Variants in ERBB3 observed in about 807,000 individuals in gnomAD.
The protein encoded by ERBB3 is erb-b2 receptor tyrosine kinase 3.
A neutral mutation model predicts 156.7 loss-of-function variants in ERBB3; 96 were observed. The observed-to-expected ratio is 0.61, with a 90% CI of 0.52 to 0.73. The LOEUF (loss-of-function observed/expected upper bound fraction) is 0.73, where lower values mean the gene tolerates loss of function less well. Ranked by LOEUF, ERBB3 falls within the 30% of genes least tolerant of loss-of-function variation. The pLI is 0.00. For missense variants in ERBB3, 1,406 were observed against 1,709.4 expected (o/e 0.82, Z 3.13); for synonymous variants, 567 against 632.0 (o/e 0.90, Z 1.54).
At chr12:56,087,551 C>A (rs764145735) in intron 4 of ERBB3, 26 bp from the exon 5 acceptor site, 1 of 1,605,754 alleles carries the variant, frequency 6.2e-7, no homozygotes, top group Non-Finnish European at 8.5e-7. Context: ...CTGATGGCCC[C>A]TTGTGTTGCC....
Position 56,091,266 on chromosome 12 carries a change from T to TTATATATA in ERBB3, c.1110-1458_1110-1451dup, listed in dbSNP as rs199547778. ...TGCATGCCACCATGCTTGGCTAATT[T>TTATATATA]TATATATATATATATATATATATAT... On this transcript the variant is annotated intron_variant, in intron 9 of 27. Transcript: ENST00000267101. 4.3e-3 allele frequency among the ~76,000 whole-genome samples: 185 copies of TTATATATA among 43,398 alleles called. 2 individuals carry two copies. Among genetic ancestry groups the TTATATATA allele is most frequent in the African/African-American group, 0.013 (114 of 8,572 alleles). 28.5% of individuals were successfully genotyped at this position (43,398 alleles called of 152,430 possible). A position where few individuals can be genotyped will look rare whatever the true frequency, so the allele number is the denominator to read the frequency against.
At position 56,101,181 on chromosome 12, in the gene ERBB3, C is replaced by T. The variant is rs766463645; in HGVS notation, c.3322C>T (p.Leu1108Phe). 2 of 1,614,124 alleles carry T rather than the reference C, an allele frequency of 1.2e-6. No homozygotes were observed. The highest frequency in any genetic ancestry group is 3.3e-5 in the Admixed American group (2 of 60,020). The change falls in exon 27 of 28, where the codon CTC becomes TTC. Residue 1108 changes from leucine to phenylalanine, a missense_variant. Around this residue, in one of 3 missense-constraint regions of ERBB3, gnomAD observed 415 missense variants for 454.1 expected, o/e 0.91. Transcript: ENST00000267101. ...GCATGTAACAGGCTCTGAGGCTGAG[C>T]TCCAGGAGAAAGTGTCAATGTGTAG... ...EGHVTGSEAE[L>F]QEKVSMCRSR...
At chr12:56,092,068 CAGAG>C (rs1868729412) in intron 9 of ERBB3, among the ~76,000 whole-genome samples, 1 of 134,254 alleles carries the variant, frequency 7.4e-6, no homozygotes, top group Non-Finnish European at 1.5e-5. Context: ...CTCTGCACAA[CAGAG>C]TGAGACCCTG....
At chr12:56,096,320 A>G (rs1868887096) in intron 17 of ERBB3, 183 bp from the exon 18 acceptor site, 1 of 708,938 alleles carries the variant, frequency 1.4e-6, no homozygotes, top group Non-Finnish European at 2.4e-6. Flanking sequence ...CATGAGCACA[A>G]ATAACTTCCT....
At chr12:56,099,589 G>T in intron 23 of ERBB3, 59 bp from the exon 24 acceptor site, 2 of 1,460,352 alleles carry the variant, frequency 1.4e-6, no homozygotes, top group South Asian at 1.1e-5. Flanking sequence ...GTGAGCCACC[G>T]CGCCCGGCCA....
At chr12:56,100,119 G>A in intron 25 of ERBB3, 55 bp from the exon 26 acceptor site, 2 of 1,594,040 alleles carry the variant, frequency 1.3e-6, no homozygotes, top group Non-Finnish European at 1.7e-6. Context: ...AGGCCCCCAT[G>A]GTGAATGTAG....
chr12:56,096,073 C>T (rs1451968124), intron 17 of ERBB3: 1 of 558,036 alleles, frequency 1.8e-6, no homozygotes, highest in African/African-American at 1.9e-5. Context: ...GAAGAAGTTA[C>T]TTATCTTCTC....
rs1225021089 is a variant in ERBB3 at position 56,101,159 on chromosome 12, T to C, written c.3300T>C (p.His1100=). 1.2e-6 allele frequency: 2 copies of C among 1,613,992 alleles called. No homozygotes were observed. The highest frequency in any genetic ancestry group is 1.7e-6 in the Non-Finnish European group (2 of 1,180,026). The change falls in exon 27 of 28, where the codon CAT becomes CAC. Residue 1100 remains histidine, a synonymous_variant. Coordinates refer to ENST00000267101, the MANE Select transcript of ERBB3 (RefSeq NM_001982.4). ...TGGCATCAGAGTCATCAGAGGGGCA[T>C]GTAACAGGCTCTGAGGCTGAGCTCC... is the stretch of plus-strand genomic sequence containing the variant. ...GCLASESSEG[H]VTGSEAELQE... is the part of the protein sequence containing the mutation.
Position 56,101,822 on chromosome 12 carries a change from C to A in ERBB3, c.3796C>A (p.Gln1266Lys). ...TGAAGACTATGAATATATGAATCGG[C>A]AACGAGATGGAGGTGGTCCTGGGGG... ...PDEDYEYMNRQRDGGGPGGDY... is the reference protein window; with the variant it reads ...PDEDYEYMNRKRDGGGPGGDY... The change falls in exon 28 of 28, where the codon CAA becomes AAA. Residue 1266 changes from glutamine (Q) to lysine (K), a missense_variant. Gln to Lys is a moderately conservative substitution (Grantham distance 53). This residue lies in a region of ERBB3 where 415 missense variants were observed against 454.1 expected (regional missense o/e 0.91). Coordinates refer to ENST00000267101, the MANE Select transcript of ERBB3 (RefSeq NM_001982.4). 1 of 1,612,572 alleles carries A rather than the reference C, an allele frequency of 6.2e-7. No homozygotes were observed. Among genetic ancestry groups the A allele is most frequent in the Non-Finnish European group, 8.5e-7 (1 of 1,179,682 alleles).
In ERBB3 at chr12:56,088,612, A is replaced by G. The variant is rs1189342687; in HGVS notation, c.944A>G (p.Asn315Ser). ...CPPDKMEVDKNGLKMCEPCGG... is the reference protein window; with the variant it reads ...CPPDKMEVDKSGLKMCEPCGG... ...CCTGACAAGATGGAAGTAGATAAAA[A>G]TGGGCTCAAGATGTGTGAGCCTTGT... Residue 315 changes from asparagine to serine, a missense_variant, in exon 8 of 28, where the codon AAT becomes AGT. Physicochemically the swap from Asn to Ser is conservative, Grantham distance 46 (BLOSUM62 1). Transcript: ENST00000267101. 1.9e-6 allele frequency: 3 copies of G among 1,614,142 alleles called. No homozygotes were observed. Among genetic ancestry groups the G allele is most frequent in the African/African-American group, 1.3e-5 (1 of 75,042 alleles).
intron 1 of ERBB3, 39 bp downstream of exon 1, chr12:56,080,421 G>C: frequency 6.6e-7 from 1 of 1,506,310 alleles, no homozygotes; most frequent in Non-Finnish European, 9.1e-7. Context: ...CGGCACCTGG[G>C]AGCCGGAACC....
rs187874555 is a variant in ERBB3 at position 56,099,187 on chromosome 12, C to G, written c.2839+282C>G. ...GCCAGGCTGGTCTCAAACTCCTGAC[C>G]TCAGGTGATCCGCCTGCCTCAGCTT... is the stretch of plus-strand genomic sequence containing the variant. On this transcript the variant is annotated intron_variant, in intron 23 of 27. Transcript: ENST00000267101. Among the ~76,000 whole-genome samples the G allele has an allele frequency of 0.011, 1,629 of 151,874 alleles. 10 individuals carry two copies. Among genetic ancestry groups the G allele is most frequent in the Non-Finnish European group, 0.017 (1,180 of 67,934 alleles).
At chr12:56,088,194 A>C in intron 7 of ERBB3, 32 bp downstream of exon 7, 2 of 1,611,622 alleles carry the variant, frequency 1.2e-6, no homozygotes, top group South Asian at 2.2e-5. Flanking sequence ...ACAATGATCA[A>C]CAATAGTAGA....
intron 5 of ERBB3, 50 bp downstream of exon 5, chr12:56,087,692 C>A: frequency 1.2e-6 from 2 of 1,600,498 alleles, no homozygotes; most frequent in Non-Finnish European, 1.7e-6. Context: ...TTTCATATCC[C>A]TTCCTCCCCA....
chr12:56,095,375 T>C (rs945913560), intron 16 of ERBB3, 65 bp downstream of exon 16: 3 of 1,358,618 alleles, frequency 2.2e-6, no homozygotes, highest in African/African-American at 2.9e-5. Context: ...GGTGGTTACC[T>C]GGAGAGAAGA....
In ERBB3 at chr12:56,102,691, G is replaced by A. The variant is rs760370003; in HGVS notation, c.*636G>A. The A allele has an allele frequency of 8.8e-6, 2 of 227,608 alleles. No homozygotes were observed. Among genetic ancestry groups the A allele is most frequent in the African/African-American group, 2.2e-5 (1 of 44,870 alleles). 14.1% of individuals were successfully genotyped at this position (227,608 alleles called of 1,614,324 possible). ...ATCTCATTTTACACAAAGGGAAGTC[G>A]GGCATGGTGGCTCATGCCTGTAATC... On this transcript the variant is annotated 3_prime_UTR_variant, in exon 28 of 28. Coordinates refer to ENST00000267101, the MANE Select transcript of ERBB3 (RefSeq NM_001982.4).
intron 12 of ERBB3, 85 bp downstream of exon 12, chr12:56,093,635 G>A: frequency 6.4e-7 from 1 of 1,552,866 alleles, no homozygotes; most frequent in Non-Finnish European, 8.8e-7. Context: ...AGACGTGGGA[G>A]TAGGGTTGAG....
chr12:56,086,988 AT>A (rs1183863931), intron 4 of ERBB3, among the ~76,000 whole-genome samples: 2 of 152,014 alleles, frequency 1.3e-5, no homozygotes, highest in Non-Finnish European at 2.9e-5. Context: ...AATTAAAAAA[AT>A]CAGACAGGCG....
intron 26 of ERBB3, among the ~76,000 whole-genome samples, chr12:56,100,676 T>C (rs1237495611): frequency 7.0e-6 from 1 of 141,940 alleles, no homozygotes; most frequent in Non-Finnish European, 1.5e-5. Flanking sequence ...GTGCGGTGGC[T>C]CACGCCTGTA....
Sources: allele counts gnomAD v4.1 joint callset (sites outside exome capture counted in the v4.1 genomes callset), GRCh38; gene constraint gnomAD v4.1.1; regional missense constraint gnomAD v4.1.1; transcripts MANE v1.5; gene names NCBI Gene and HGNC (gene_info 2026-07-23, HGNC 2026-07-21).